LRFN5: variants seen among roughly 807,000 people sequenced by gnomAD.
The protein encoded by LRFN5 is leucine-rich repeat and fibronectin type-III domain-containing protein 5.
A neutral mutation model predicts 45.6 loss-of-function variants in LRFN5; 24 were observed. The observed-to-expected ratio is 0.53, with a 90% CI of 0.38 to 0.74. LRFN5 has a LOEUF of 0.74. LRFN5 is among the 30% of genes least tolerant of loss of function. LRFN5 has a pLI of 0.00. For missense variants in LRFN5, 776 were observed against 861.5 expected, an observed-to-expected ratio of 0.90 and a Z score of 1.24; for synonymous variants, 340 against 313.8, an observed-to-expected ratio of 1.08 and a Z score of -0.88.
chr14:41,699,982 A>G (rs1353655193), intron 1 of LRFN5: 4 of 152,104 alleles, frequency 2.6e-5, no homozygotes, highest in Admixed American at 6.6e-5. Flanking sequence ...AGAATGAGAA[A>G]AAGAAATGAA....
chr14:41,678,159 A>G (rs1881720394), intron 1 of LRFN5, among the ~76,000 whole-genome samples: 1 of 152,056 alleles, frequency 6.6e-6, no homozygotes, highest in Non-Finnish European at 1.5e-5. Flanking sequence ...CTAATATGTG[A>G]CAAAATACAC....
intron 2 of LRFN5, among the ~76,000 whole-genome samples, chr14:41,772,490 T>C (rs954231192): frequency 6.6e-6 from 1 of 152,066 alleles, no homozygotes; most frequent in Non-Finnish European, 1.5e-5. Flanking sequence ...ATGAATTGAG[T>C]TCAATTAGTT....
rs536204637 is a variant in LRFN5, at chr14:41,631,320, A to T, written c.-197+22758A>T. ...GGAACACTTGTTCCTGTATCATTCC[A>T]TACTGTTCAAATCTAATTGATCCTT... is the stretch of plus-strand genomic sequence containing the variant. On this transcript the variant is annotated intron_variant, in intron 1 of 5. Transcript: ENST00000298119. Among the ~76,000 whole-genome samples, 18 of 152,152 alleles carry T rather than the reference A, an allele frequency of 1.2e-4. No homozygotes were observed. The South Asian group carries it at 2.7e-3, about 23-fold the overall frequency.
At chr14:41,718,511 A>G (rs934349303) in intron 1 of LRFN5, among the ~76,000 whole-genome samples, 10 of 152,182 alleles carry the variant, frequency 6.6e-5, no homozygotes, top group Admixed American at 4.6e-4. Flanking sequence ...TTTTACATGT[A>G]CTTACCTATT....
At chr14:41,722,050 A>T (rs1363935693) in intron 1 of LRFN5, among the ~76,000 whole-genome samples, 1 of 152,098 alleles carries the variant, frequency 6.6e-6, no homozygotes, top group Admixed American at 6.5e-5. Context: ...TTTTTTGAAG[A>T]CTTTGTTCAT....
At chr14:41,895,883 T>C (rs1408778647) in intron 4 of LRFN5, among the ~76,000 whole-genome samples, 1 of 152,060 alleles carries the variant, frequency 6.6e-6, no homozygotes, top group Admixed American at 6.6e-5. Flanking sequence ...CTTTGAAAGA[T>C]GCATACTTTC....
chr14:41,836,026 A>G (rs1416568085), intron 2 of LRFN5, among the ~76,000 whole-genome samples: 2 of 152,012 alleles, frequency 1.3e-5, no homozygotes, highest in African/African-American at 4.8e-5. Context: ...TTAAAGAGAG[A>G]AATCTCAAAA....
chr14:41,747,532 A>G, intron 1 of LRFN5, among the ~76,000 whole-genome samples: 1 of 152,162 alleles, frequency 6.6e-6, no homozygotes, highest in East Asian at 1.9e-4. Flanking sequence ...AACTGGATTA[A>G]AGACCTAAAT....
At chr14:41,688,910 C>CAA (rs59803978) in intron 1 of LRFN5, among the ~76,000 whole-genome samples, 16 of 125,276 alleles carry the variant, frequency 1.3e-4, no homozygotes, top group Non-Finnish European at 2.1e-4. Context: ...CTATTTCTAC[C>CAA]AAAAAAAAAA....
At chr14:41,743,361 C>T (rs1218052248) in intron 1 of LRFN5, among the ~76,000 whole-genome samples, 1 of 152,144 alleles carries the variant, frequency 6.6e-6, no homozygotes, top group Non-Finnish European at 1.5e-5. Context: ...CCTTTGCTTT[C>T]ACTTTCTATC....
intron 1 of LRFN5, among the ~76,000 whole-genome samples, chr14:41,761,884 A>G (rs967470579): frequency 2.6e-5 from 4 of 152,020 alleles, no homozygotes; most frequent in African/African-American, 9.7e-5. Flanking sequence ...CTGGTTTTAC[A>G]TTTCTTTTGT....
intron 2 of LRFN5, among the ~76,000 whole-genome samples, chr14:41,796,889 G>C (rs915749809): frequency 6.6e-6 from 1 of 151,632 alleles, no homozygotes; most frequent in Non-Finnish European, 1.5e-5. Flanking sequence ...ATCATTAAAG[G>C]TTTTAAATAT....
At chr14:41,643,038 CACTG>C (rs1879651748) in intron 1 of LRFN5, among the ~76,000 whole-genome samples, 1 of 152,118 alleles carries the variant, frequency 6.6e-6, no homozygotes, top group African/African-American at 2.4e-5. Flanking sequence ...GAGAGAGTCT[CACTG>C]AATGCAGTGT....
At chr14:41,901,950 A>C (rs967600251) in intron 5 of LRFN5, among the ~76,000 whole-genome samples, 2 of 152,038 alleles carry the variant, frequency 1.3e-5, no homozygotes, top group Non-Finnish European at 2.9e-5. Flanking sequence ...TGTTTTTAAC[A>C]TATATATTTG....
At chr14:41,724,778 C>T (rs1216900519) in intron 1 of LRFN5, among the ~76,000 whole-genome samples, 2 of 152,150 alleles carry the variant, frequency 1.3e-5, no homozygotes, top group South Asian at 4.1e-4. Flanking sequence ...TATACCTCAA[C>T]CCGCCCTTAT....
At chr14:41,626,555 T>C (rs1002242780) in intron 1 of LRFN5, among the ~76,000 whole-genome samples, 16 of 152,072 alleles carry the variant, frequency 1.1e-4, no homozygotes, top group African/African-American at 3.9e-4. Context: ...ACTAAACTTT[T>C]GACTTACGTG....
At chr14:41,730,189 A>G (rs1312794792) in intron 1 of LRFN5, among the ~76,000 whole-genome samples, 1 of 152,126 alleles carries the variant, frequency 6.6e-6, no homozygotes, top group Admixed American at 6.6e-5. Context: ...ATAGACAAAA[A>G]TAGACTGCTT....
chr14:41,689,690 C>A (rs946793211), intron 1 of LRFN5, among the ~76,000 whole-genome samples: 3 of 151,188 alleles, frequency 2.0e-5, no homozygotes, highest in Admixed American at 1.3e-4. Context: ...GTCAGGAGAT[C>A]GAGACCATCC....
In LRFN5 at chr14:41,744,745, T is replaced by G. The variant is rs567935805; in HGVS notation, c.-196-22109T>G. On this transcript the variant is annotated intron_variant, in intron 1 of 5. Transcript: ENST00000298119. ...AACAAGAATAAAGCTGGGGTAGCTA[T>G]AGTAATAGCAGATGAAATAAACTTT... 2.6e-5 allele frequency among the ~76,000 whole-genome samples: 4 copies of G among 152,224 alleles called. No individual in the cohort carries two copies. The East Asian group carries it at 7.7e-4, about 29-fold the overall frequency.
Sources: allele counts gnomAD v4.1 joint callset (sites outside exome capture counted in the v4.1 genomes callset), GRCh38; gene constraint gnomAD v4.1.1; transcripts MANE v1.5; gene names NCBI Gene and HGNC (gene_info 2026-07-23, HGNC 2026-07-21).